The following CNTN3 variants were observed in gnomAD, a reference collection of about 807,000 sequenced individuals.
CNTN3 encodes contactin 3.
Under a neutral mutation model 119.1 loss-of-function variants are expected in CNTN3, and 60 were observed. The observed-to-expected ratio is 0.50, with a 90% CI of 0.41 to 0.62. The LOEUF (loss-of-function observed/expected upper bound fraction) is 0.62. Ranked by LOEUF, CNTN3 falls within the 20% of genes least tolerant of loss-of-function variation. The pLI is 0.00. For missense variants in CNTN3, 1,101 were observed against 1,242.4 expected (o/e 0.89, Z 1.71); for synonymous variants, 450 against 438.7 (o/e 1.03, Z -0.32).
intron 1 of CNTN3, among the ~76,000 whole-genome samples, chr3:74,574,282 G>A (rs1198920366): frequency 1.3e-5 from 2 of 152,216 alleles, no homozygotes; most frequent in East Asian, 1.9e-4. Context: ...TTAGAAGAAG[G>A]CAGGGGGAGA....
chr3:74,276,867 A>G (rs1181533265), intron 20 of CNTN3, among the ~76,000 whole-genome samples: 3 of 152,160 alleles, frequency 2.0e-5, no homozygotes, highest in African/African-American at 7.2e-5. Context: ...AAAGATAAAT[A>G]AAATTGATAG....
intron 4 of CNTN3, among the ~76,000 whole-genome samples, chr3:74,464,884 G>A (rs536068345): frequency 1.9e-4 from 29 of 152,244 alleles, no homozygotes; most frequent in African/African-American, 7.0e-4. Flanking sequence ...TTAGAGTCAA[G>A]TTATTATTCA....
rs1257551975 is a variant in CNTN3, at chr3:74,501,892, A to G, written c.56-2107T>C. Among the ~76,000 whole-genome samples the G allele has an allele frequency of 7.9e-5, 12 of 152,254 alleles. 1 individual carries two copies. In the South Asian group the frequency reaches 1.0e-3, roughly 13 times the overall value. On this transcript the variant is annotated intron_variant, in intron 2 of 22. Transcript: ENST00000263665. ...ACACTCCTAATTTAAAAGAGGCAATATTGCTATTTTCTTCATTTTTGCCCC... is the reference window on the plus strand; with the variant it reads ...ACACTCCTAATTTAAAAGAGGCAATGTTGCTATTTTCTTCATTTTTGCCCC...
At chr3:74,578,996 C>G (rs1435728233) in intron 1 of CNTN3, among the ~76,000 whole-genome samples, 1 of 151,792 alleles carries the variant, frequency 6.6e-6, no homozygotes, top group Non-Finnish European at 1.5e-5. Flanking sequence ...AAAGAAGCAA[C>G]TATATGCTCT....
At chr3:74,403,009 T>C (rs1035057329) in intron 5 of CNTN3, among the ~76,000 whole-genome samples, 1 of 152,138 alleles carries the variant, frequency 6.6e-6, no homozygotes, top group East Asian at 1.9e-4. Flanking sequence ...ATGAGAGGCA[T>C]TGTGAGGTAG....
chr3:74,289,674 A>G (rs1702185928), intron 19 of CNTN3, among the ~76,000 whole-genome samples: 1 of 152,224 alleles, frequency 6.6e-6, no homozygotes, highest in South Asian at 2.1e-4. Flanking sequence ...TTTGCAAACA[A>G]TGCTGTGAGT....
intron 5 of CNTN3, among the ~76,000 whole-genome samples, chr3:74,414,825 A>G (rs1701493341): frequency 6.7e-6 from 1 of 148,520 alleles, no homozygotes; most frequent in South Asian, 2.2e-4. Context: ...TATTGCCCCC[A>G]CTTGCTAGTG....
intron 5 of CNTN3, among the ~76,000 whole-genome samples, chr3:74,400,972 T>A (rs953588997): frequency 6.6e-6 from 1 of 152,204 alleles, no homozygotes; most frequent in Non-Finnish European, 1.5e-5. Context: ...GGATTCCCTA[T>A]ATCTTCAATT....
intron 1 of CNTN3, among the ~76,000 whole-genome samples, chr3:74,608,376 T>C (rs1705027417): frequency 6.6e-6 from 1 of 152,198 alleles, no homozygotes; most frequent in Admixed American, 6.5e-5. Flanking sequence ...AGATGTGCTT[T>C]TGATTTGTTG....
chr3:74,524,394 T>C (rs1373326762), intron 1 of CNTN3, among the ~76,000 whole-genome samples: 1 of 151,850 alleles, frequency 6.6e-6, no homozygotes, highest in East Asian at 1.9e-4. Context: ...TAAATGAGTA[T>C]GGGGTATTTA....
At chr3:74,513,856 G>T (rs1703409289) in intron 2 of CNTN3, among the ~76,000 whole-genome samples, 1 of 151,864 alleles carries the variant, frequency 6.6e-6, no homozygotes, top group South Asian at 2.1e-4. Context: ...GGTATAAAGA[G>T]AAAGTAATAA....
chr3:74,549,950 GA>G (rs1391302786), intron 1 of CNTN3, among the ~76,000 whole-genome samples: 1 of 152,156 alleles, frequency 6.6e-6, no homozygotes, highest in African/African-American at 2.4e-5. Context: ...ACAGCTCCTA[GA>G]GTGCTGAGTA....
intron 11 of CNTN3, among the ~76,000 whole-genome samples, chr3:74,357,200 A>G (rs958317875): frequency 1.3e-5 from 2 of 152,130 alleles, no homozygotes; most frequent in Non-Finnish European, 2.9e-5. Context: ...TGCTGGGATT[A>G]CAGGTGTGAG....
At chr3:74,556,582 T>A (rs1704073967) in intron 1 of CNTN3, among the ~76,000 whole-genome samples, 1 of 152,186 alleles carries the variant, frequency 6.6e-6, no homozygotes, top group Non-Finnish European at 1.5e-5. Context: ...CTATTGTGAA[T>A]AATGCTGCAA....
chr3:74,511,238 C>A (rs1703358307), intron 2 of CNTN3, among the ~76,000 whole-genome samples: 1 of 152,066 alleles, frequency 6.6e-6, no homozygotes, highest in Non-Finnish European at 1.5e-5. Flanking sequence ...TTCAGCAGTT[C>A]CATATTGACA....
intron 16 of CNTN3, among the ~76,000 whole-genome samples, 192 bp downstream of exon 16, chr3:74,301,206 T>C (rs1008253692): frequency 6.6e-6 from 1 of 152,218 alleles, no homozygotes; most frequent in Non-Finnish European, 1.5e-5. Flanking sequence ...GGAAATGTCA[T>C]ACTACATCAG....
chr3:74,449,973 T>G, intron 4 of CNTN3, among the ~76,000 whole-genome samples: 1 of 152,164 alleles, frequency 6.6e-6, no homozygotes, highest in South Asian at 2.1e-4. Flanking sequence ...TTATAATAAT[T>G]TGTTATGATC....
chr3:74,409,457 G>A (rs900193154), intron 5 of CNTN3, among the ~76,000 whole-genome samples: 1 of 97,006 alleles, frequency 1.0e-5, no homozygotes, highest in Non-Finnish European at 2.4e-5. Flanking sequence ...TGTGCTGCCT[G>A]ATCCATGAAT....
intron 4 of CNTN3, among the ~76,000 whole-genome samples, chr3:74,446,849 G>GC (rs1702058173): frequency 6.6e-6 from 1 of 152,062 alleles, no homozygotes; most frequent in East Asian, 1.9e-4. Context: ...TAGGGTATAA[G>GC]TTTTTTTGAG....
Sources: allele counts gnomAD v4.1 joint callset (sites outside exome capture counted in the v4.1 genomes callset), GRCh38; gene constraint gnomAD v4.1.1; transcripts MANE v1.5; gene names NCBI Gene and HGNC (gene_info 2026-07-23, HGNC 2026-07-21).